DAO: variants seen among roughly 807,000 people sequenced by gnomAD.
The protein encoded by DAO is D-amino acid oxidase.
Under a neutral mutation model 50.1 loss-of-function variants are expected in DAO, and 51 were observed. The ratio of observed to expected loss-of-function variants is 1.02; its 90% CI spans 0.81 to 1.29. The LOEUF is 1.29. Ranked by LOEUF, DAO falls within the 50% of genes most tolerant of loss-of-function variation. DAO has a pLI of 0.00. For synonymous variants in DAO, 160 were observed against 166.2 expected (o/e 0.96, Z 0.29); for missense variants, 436 against 439.4 (o/e 0.99, Z 0.07).
chr12:108,897,178 C>A (rs938804911), intron 8 of DAO, 90 bp downstream of exon 8: 1 of 867,326 alleles, frequency 1.2e-6, no homozygotes, highest in Non-Finnish European at 2.0e-6. Context: ...TTACTCCCTG[C>A]AGTTGTTCCC....
intron 6 of DAO, among the ~76,000 whole-genome samples, 170 bp from the exon 7 acceptor site, chr12:108,894,093 T>C (rs1286697821): frequency 6.6e-6 from 1 of 152,124 alleles, no homozygotes; most frequent in East Asian, 1.9e-4. Context: ...GTCAGATAAA[T>C]GGCAGTATGA....
At chr12:108,888,489 C>T (rs1218107966) in intron 3 of DAO, among the ~76,000 whole-genome samples, 1 of 152,076 alleles carries the variant, frequency 6.6e-6, no homozygotes, top group East Asian at 1.9e-4. Context: ...GTGCGCACTA[C>T]CACGCCTGGC....
Position 108,887,493 on chromosome 12 carries a change from C to A in DAO, c.238C>A (p.His80Asn), listed in dbSNP as rs758571359. ...QTFDYLLSHV[H>N]SPNAENLGLF... Reference sequence around the variant, plus strand: ...CTTTGACTATCTCCTGAGCCATGTCCATTCTCCCAACGCTGAAAACCTGGG... The same window carrying A: ...CTTTGACTATCTCCTGAGCCATGTCAATTCTCCCAACGCTGAAAACCTGGG... Residue 80 changes from histidine (H) to asparagine (N), a missense_variant, in exon 3 of 11, where the codon CAT (histidine) becomes AAT (asparagine). Physicochemically the swap from His to Asn is moderately conservative, Grantham distance 68. Coordinates refer to ENST00000228476, the MANE Select transcript of DAO (RefSeq NM_001917.5). 5.0e-6 allele frequency: 8 copies of A among 1,614,038 alleles called. No homozygotes were observed. Among genetic ancestry groups the A allele is most frequent in the Non-Finnish European group, 6.8e-6 (8 of 1,180,030 alleles).
In DAO at chr12:108,899,419, C is replaced by A; in HGVS notation, c.856C>A (p.Arg286Ser). 6.2e-7 allele frequency: 1 copy of A among 1,613,812 alleles called. No individual in the cohort carries two copies. The highest frequency in any genetic ancestry group is 8.5e-7 in the Non-Finnish European group (1 of 1,179,914). ...IGERTGFRPV[R>S]PQIRLEREQL... ...TGAACGAACTGGCTTCCGGCCAGTA[C>A]GCCCCCAGATTCGGCTAGAAAGAGA... is the stretch of plus-strand genomic sequence containing the variant. Residue 286 changes from arginine (R) to serine (S), a missense_variant, in exon 10 of 11, where the codon CGC (arginine) becomes AGC (serine). Coordinates refer to ENST00000228476, the MANE Select transcript of DAO (RefSeq NM_001917.5).
Position 108,887,477 on chromosome 12 carries a change from T to C in DAO, c.222T>C (p.Tyr74=). 1 of 1,614,052 alleles carries C rather than the reference T, an allele frequency of 6.2e-7. No individual in the cohort carries two copies. The highest frequency in any genetic ancestry group is 1.1e-5 in the South Asian group (1 of 91,068). The change falls in exon 3 of 11, where the codon TAT becomes TAC. Residue 74 remains tyrosine (Y), a synonymous_variant. Coordinates refer to ENST00000228476, the MANE Select transcript of DAO (RefSeq NM_001917.5). ...EADWSQQTFD[Y]LLSHVHSPNA... ...ACTGGAGCCAACAGACCTTTGACTA[T>C]CTCCTGAGCCATGTCCATTCTCCCA...
rs149638037 is a variant in DAO, at chr12:108,887,504, C to A, written c.249C>A (p.Asn83Lys). ...DYLLSHVHSP[N>K]AENLGLFLIS... is the part of the protein sequence containing the mutation. ...TCCTGAGCCATGTCCATTCTCCCAA[C>A]GCTGAAAACCTGGGCCTGTTCCTAA... The change falls in exon 3 of 11, where the codon AAC (asparagine) becomes AAA (lysine). Residue 83 changes from asparagine to lysine, a missense_variant. Asn to Lys is a moderately conservative substitution (Grantham distance 94, BLOSUM62 0). Transcript: ENST00000228476. 5 of 1,614,020 alleles carry A rather than the reference C, an allele frequency of 3.1e-6. No homozygotes were observed. The highest frequency in any genetic ancestry group is 4.2e-6 in the Non-Finnish European group (5 of 1,180,018).
At chr12:108,892,399 C>T (rs2039501414) in intron 5 of DAO, among the ~76,000 whole-genome samples, 1 of 151,980 alleles carries the variant, frequency 6.6e-6, no homozygotes, top group African/African-American at 2.4e-5. Context: ...ATCTCCTGAC[C>T]TCGTGATCCG....
Position 108,880,104 on chromosome 12 carries a change from G to C in DAO, c.-130G>C, listed in dbSNP as rs540722408. ...AGACTTTGACCCTGCACTCCAGTCC[G>C]GGCTGGCGGACAGAGGGCTGGAAAC... On this transcript the variant is annotated 5_prime_UTR_variant, in exon 1 of 11. Coordinates refer to ENST00000228476, the MANE Select transcript of DAO (RefSeq NM_001917.5). 2.4e-5 allele frequency: 11 copies of C among 456,684 alleles called. No homozygotes were observed. The highest frequency in any genetic ancestry group is 1.7e-4 in the South Asian group (11 of 64,564). The allele number at this position is 456,684 out of a possible 1,614,324, so 28.3% of individuals were successfully genotyped here. A position where few individuals can be genotyped will look rare whatever the true frequency, so the allele number is the denominator to read the frequency against.
At chr12:108,899,332 G>A (rs1287312038) in intron 9 of DAO, 45 bp from the exon 10 acceptor site, 2 of 1,482,186 alleles carry the variant, frequency 1.3e-6, no homozygotes, top group Non-Finnish European at 1.8e-6. Flanking sequence ...AATGGCAGCA[G>A]GAAAAAAAAA....
At chr12:108,893,192 G>A (rs1471591135) in intron 6 of DAO, among the ~76,000 whole-genome samples, 156 bp downstream of exon 6, 1 of 152,170 alleles carries the variant, frequency 6.6e-6, no homozygotes. Flanking sequence ...TTCTGAAGGA[G>A]GAAGTCTCTG....
At chr12:108,899,613 C>G in intron 10 of DAO, 138 bp downstream of exon 10, 1 of 760,132 alleles carries the variant, frequency 1.3e-6, no homozygotes, top group South Asian at 1.5e-5. Context: ...CTAATATCCC[C>G]TCCTCTATAA....
At chr12:108,896,442 A>AAAAAAAAAAAAAAAG (rs2039558139) in intron 7 of DAO, among the ~76,000 whole-genome samples, 1 of 149,438 alleles carries the variant, frequency 6.7e-6, no homozygotes, top group Non-Finnish European at 1.5e-5. Context: ...AAAAAAAAAA[A>AAAAAAAAAAAAAAAG]TTGAAGGTTT....
chr12:108,899,998 G>A (rs2039603653), intron 10 of DAO: 2 of 312,342 alleles, frequency 6.4e-6, no homozygotes, highest in Non-Finnish European at 1.2e-5. Flanking sequence ...CTTCGTGTCA[G>A]ACACAGCAGC....
At chr12:108,890,785 A>T (rs1311283642) in intron 5 of DAO, among the ~76,000 whole-genome samples, 1 of 152,180 alleles carries the variant, frequency 6.6e-6, no homozygotes, top group Non-Finnish European at 1.5e-5. Context: ...ATTGGTATTT[A>T]TATTCACATA....
chr12:108,888,799 C>T (rs1277502515), intron 3 of DAO, among the ~76,000 whole-genome samples: 4 of 152,106 alleles, frequency 2.6e-5, no homozygotes, highest in Admixed American at 2.0e-4. Context: ...GCTTTCTCTC[C>T]CCTATTTCTG....
At chr12:108,894,395 T>A in intron 7 of DAO, 28 bp downstream of exon 7, 1 of 1,510,568 alleles carries the variant, frequency 6.6e-7, no homozygotes, top group Non-Finnish European at 9.2e-7. Context: ...ACCCCTACCT[T>A]TTGTTAATAG....
Position 108,899,371 on chromosome 12 carries a change from T to C in DAO, c.814-6T>C, listed in dbSNP as rs1258482750. The C allele has an allele frequency of 6.2e-7, 1 of 1,611,926 alleles. No individual in the cohort carries two copies. The highest frequency in any genetic ancestry group is 8.5e-7 in the Non-Finnish European group (1 of 1,178,986). ...AGAAATGAGTGATCAGCACTTTTCTTTCCAGAATGCAAGAATTATTGGTGA... is the reference window on the plus strand; with the variant it reads ...AGAAATGAGTGATCAGCACTTTTCTCTCCAGAATGCAAGAATTATTGGTGA... On this transcript the variant is annotated splice_polypyrimidine_tract_variant and splice_region_variant and intron_variant, in intron 9 of 10. Transcript: ENST00000228476.
At chr12:108,896,400 C>T (rs1403993245) in intron 7 of DAO, among the ~76,000 whole-genome samples, 1 of 103,240 alleles carries the variant, frequency 9.7e-6, no homozygotes, top group Admixed American at 1.5e-4. Flanking sequence ...TCCAGCCTGG[C>T]AACAGAGCGA....
chr12:108,881,382 A>G (rs1365491645), intron 1 of DAO, among the ~76,000 whole-genome samples: 1 of 151,444 alleles, frequency 6.6e-6, no homozygotes, highest in African/African-American at 2.4e-5. Context: ...ACCTACACGC[A>G]TGAATGATTT....
Sources: gnomAD v4.1 joint callset for allele counts (sites outside exome capture counted in the v4.1 genomes callset) on GRCh38, gnomAD v4.1.1 for gene constraint, MANE v1.5 for transcripts, NCBI Gene and HGNC (gene_info 2026-07-23, HGNC 2026-07-21) for gene names.